MYCBP2: variants seen among roughly 807,000 people sequenced by gnomAD.
MYCBP2 encodes the protein E3 ubiquitin-protein ligase MYCBP2.
A neutral mutation model predicts 525.3 loss-of-function variants in MYCBP2; 120 were observed. That is an observed-to-expected ratio of 0.23 (90% CI 0.20 to 0.27). MYCBP2 has a LOEUF of 0.27. Among genes scored for constraint, MYCBP2 ranks in the 10% least tolerant of loss-of-function variants. MYCBP2 has a pLI of 1.00. For missense variants in MYCBP2, 4,149 were observed against 5,657.1 expected (o/e 0.73, Z 8.55); for synonymous variants, 1,894 against 1,955.8 (o/e 0.97, Z 0.83).
chr13:77,294,102 G>A (rs1412026901), intron 2 of MYCBP2, among the ~76,000 whole-genome samples: 30 of 4,072 alleles, frequency 7.4e-3, no homozygotes, highest in African/African-American at 0.01. Flanking sequence ...TAGATATAAT[G>A]GCTATATATA....
chr13:77,071,723 G>C (rs2041324508), intron 68 of MYCBP2, among the ~76,000 whole-genome samples: 1 of 152,090 alleles, frequency 6.6e-6, no homozygotes, highest in Non-Finnish European at 1.5e-5. Flanking sequence ...TGATCAACTT[G>C]AACTAACTGA....
chr13:77,233,197 G>A lies in MYCBP2; in HGVS notation c.2696C>T (p.Ser899Phe). ...HREQALARLR[S>F]HPAQLKHKRD... is the part of the protein sequence containing the mutation. ...TTTATGCTTTAGCTGTGCTGGATGGGATCTGAGTCTGGCTAGAGCCTGTTC... is the reference window on the plus strand; with the variant it reads ...TTTATGCTTTAGCTGTGCTGGATGGAATCTGAGTCTGGCTAGAGCCTGTTC... The change falls in exon 18 of 83, where the codon TCC becomes TTC. Residue 899 changes from serine to phenylalanine, a missense_variant. Around this residue, in one of 21 missense-constraint regions of MYCBP2, gnomAD observed 620 missense variants for 795.5 expected, o/e 0.78. Coordinates refer to ENST00000544440, the MANE Select transcript of MYCBP2 (RefSeq NM_015057.5). 6.2e-7 allele frequency: 1 copy of A among 1,613,742 alleles called. No individual in the cohort carries two copies. Among genetic ancestry groups the A allele is most frequent in the Non-Finnish European group, 8.5e-7 (1 of 1,179,798 alleles).
intron 49 of MYCBP2, 184 bp downstream of exon 49, chr13:77,144,261 A>C: frequency 1.7e-6 from 1 of 577,898 alleles, no homozygotes; most frequent in Non-Finnish European, 3.1e-6. Context: ...GGACACCAGA[A>C]ATTATTACAA....
intron 1 of MYCBP2, among the ~76,000 whole-genome samples, chr13:77,301,244 G>C (rs1056709072): frequency 6.6e-6 from 1 of 151,510 alleles, no homozygotes. Flanking sequence ...GTGAAACCCC[G>C]TCTCTACTAA....
chr13:77,223,415 A>G (rs181639141), intron 20 of MYCBP2, among the ~76,000 whole-genome samples: 1 of 152,180 alleles, frequency 6.6e-6, no homozygotes, highest in African/African-American at 2.4e-5. Flanking sequence ...AATTCTTTGC[A>G]TATCTAATCC....
intron 55 of MYCBP2, among the ~76,000 whole-genome samples, chr13:77,111,443 T>C (rs1047112133): frequency 6.6e-6 from 1 of 151,854 alleles, no homozygotes; most frequent in Non-Finnish European, 1.5e-5. Context: ...TTCCTTTTTT[T>C]TTTTTTTTTT....
At chr13:77,268,483 T>C (rs1384625754) in intron 7 of MYCBP2, among the ~76,000 whole-genome samples, 1 of 152,216 alleles carries the variant, frequency 6.6e-6, no homozygotes, top group Non-Finnish European at 1.5e-5. Flanking sequence ...ATTTGTTATC[T>C]AAAATTTAAT....
intron 17 of MYCBP2, among the ~76,000 whole-genome samples, chr13:77,239,948 T>C (rs2068559795): frequency 6.6e-6 from 1 of 152,210 alleles, no homozygotes; most frequent in African/African-American, 2.4e-5. Flanking sequence ...AATATGCTTA[T>C]TGGAGAATAT....
At chr13:77,168,847 A>ATT (rs2058815862) in intron 39 of MYCBP2, among the ~76,000 whole-genome samples, 3 of 152,240 alleles carry the variant, frequency 2.0e-5, no homozygotes, top group Admixed American at 2.0e-4. Flanking sequence ...CTAAATCTAT[A>ATT]TTTTTAAAAA....
intron 55 of MYCBP2, among the ~76,000 whole-genome samples, chr13:77,102,290 C>T (rs2154134362): frequency 6.6e-6 from 1 of 151,528 alleles, no homozygotes; most frequent in East Asian, 1.9e-4. Flanking sequence ...TTGTACAATA[C>T]TATTTAGTAT....
intron 1 of MYCBP2, among the ~76,000 whole-genome samples, chr13:77,314,411 C>T (rs1291376946): frequency 2.0e-5 from 3 of 152,194 alleles, no homozygotes; most frequent in East Asian, 1.9e-4. Context: ...AATTCTGGTA[C>T]ATCTACATGG....
rs1325142589 is a variant in MYCBP2, at chr13:77,077,232, T to C, written c.11640A>G (p.Ile3880Met). ...LGWKDGESTK[I>M]AGQISASVAQ... Reference sequence around the variant, plus strand: ...CCACACTGGCTGAAATCTGGCCAGCTATTTTTGTGCTTTCACCATCTTTCC... The same window carrying C: ...CCACACTGGCTGAAATCTGGCCAGCCATTTTTGTGCTTTCACCATCTTTCC... The change falls in exon 67 of 83, where the codon ATA becomes ATG. Residue 3880 changes from isoleucine (I) to methionine (M), a missense_variant. Coordinates refer to ENST00000544440, the MANE Select transcript of MYCBP2 (RefSeq NM_015057.5). The C allele has an allele frequency of 6.2e-7, 1 of 1,614,090 alleles. No homozygotes were observed. Among genetic ancestry groups the C allele is most frequent in the Non-Finnish European group, 8.5e-7 (1 of 1,179,978 alleles).
At chr13:77,180,910 C>G in intron 33 of MYCBP2, among the ~76,000 whole-genome samples, 1 of 152,098 alleles carries the variant, frequency 6.6e-6, no homozygotes, top group East Asian at 1.9e-4. Flanking sequence ...ACAGAATGAG[C>G]TAGTCTTAAA....
At chr13:77,203,192 CA>C (rs1488496863) in intron 26 of MYCBP2, among the ~76,000 whole-genome samples, 1 of 152,206 alleles carries the variant, frequency 6.6e-6, no homozygotes, top group Non-Finnish European at 1.5e-5. Flanking sequence ...ACAACTTCAG[CA>C]AAGTCTCAGG....
chr13:77,277,088 A>T (rs1406732390), intron 4 of MYCBP2, among the ~76,000 whole-genome samples: 1 of 152,190 alleles, frequency 6.6e-6, no homozygotes, highest in East Asian at 1.9e-4. Context: ...AAAGGAAAGT[A>T]TATAACAACT....
chr13:77,255,291 T>C (rs994500077), intron 14 of MYCBP2, among the ~76,000 whole-genome samples: 6 of 152,014 alleles, frequency 3.9e-5, no homozygotes, highest in African/African-American at 1.4e-4. Flanking sequence ...GACTCTGCAA[T>C]CAGTATGCAC....
chr13:77,292,197 C>T (rs1214879700), intron 2 of MYCBP2, among the ~76,000 whole-genome samples: 1 of 152,168 alleles, frequency 6.6e-6, no homozygotes. Context: ...GACATGAAAG[C>T]TCAGTCAATG....
At chr13:77,172,777 C>G (rs2059267712) in intron 37 of MYCBP2, among the ~76,000 whole-genome samples, 1 of 152,184 alleles carries the variant, frequency 6.6e-6, no homozygotes, top group Non-Finnish European at 1.5e-5. Context: ...CCTCAGATGT[C>G]TACTAGCCAA....
At chr13:77,055,896 T>C in intron 79 of MYCBP2, 129 bp from the exon 80 acceptor site, 1 of 665,752 alleles carries the variant, frequency 1.5e-6, no homozygotes, top group South Asian at 2.1e-5. Context: ...CTAAATAAAA[T>C]GTCATTTGAA....
Sources: allele counts gnomAD v4.1 joint callset (sites outside exome capture counted in the v4.1 genomes callset), GRCh38; gene constraint gnomAD v4.1.1; regional missense constraint gnomAD v4.1.1; transcripts MANE v1.5; gene names NCBI Gene and HGNC (gene_info 2026-07-23, HGNC 2026-07-21).